The following VOPP1 variants were observed in gnomAD, a reference collection of about 807,000 sequenced individuals.
VOPP1 encodes the protein VOPP1 WW domain binding protein.
In VOPP1, 8 loss-of-function variants were observed where a neutral mutation model predicts 23.5. That is an observed-to-expected ratio of 0.34 (90% CI 0.20 to 0.61). The LOEUF is 0.61. Among genes scored for constraint, VOPP1 ranks in the 20% least tolerant of loss-of-function variants. The probability of loss-of-function intolerance (pLI) is 0.78; values close to 1 mark genes in which losing one functional copy is unlikely to be tolerated. For missense variants in VOPP1, 174 were observed against 238.1 expected, an observed-to-expected ratio of 0.73 and a Z score of 1.77; for synonymous variants, 83 against 97.3, an observed-to-expected ratio of 0.85 and a Z score of 0.86.
intron 4 of VOPP1, among the ~76,000 whole-genome samples, chr7:55,463,374 A>C (rs978572481): frequency 6.6e-6 from 1 of 152,048 alleles, no homozygotes; most frequent in Non-Finnish European, 1.5e-5. Flanking sequence ...TTACACTCAT[A>C]TTTGTGCATC....
At chr7:55,492,450 C>G (rs746426522) in intron 3 of VOPP1, 32 bp from the exon 4 acceptor site, 1 of 1,582,958 alleles carries the variant, frequency 6.3e-7, no homozygotes, top group Non-Finnish European at 8.6e-7. Context: ...GGGTGGTGCT[C>G]CCAGGTGGGG....
chr7:55,445,792 GTATT>G (rs1305808134), intron 4 of VOPP1, among the ~76,000 whole-genome samples: 1 of 152,104 alleles, frequency 6.6e-6, no homozygotes, highest in Non-Finnish European at 1.5e-5. Flanking sequence ...CCACATATGG[GTATT>G]TATTAATGAA....
rs757128284 is a variant in VOPP1, at chr7:55,492,297, G to A, written c.313C>T (p.Pro105Ser). 6.2e-7 allele frequency: 1 copy of A among 1,610,170 alleles called. No homozygotes were observed. Among genetic ancestry groups the A allele is most frequent in the South Asian group, 1.1e-5 (1 of 90,352 alleles). The change falls in exon 4 of 5, where the codon CCA (proline) becomes TCA (serine). Residue 105 changes from proline to serine, a missense_variant. Coordinates refer to ENST00000285279, the MANE Select transcript of VOPP1 (RefSeq NM_030796.5). ...AFNVSYTRQP[P>S]NPGPGAQQPG... ...GCTGGCTGACCTGGGCCGGGATTTG[G>A]GGGCTGCCTGGTGTAGGACACATTG...
intron 4 of VOPP1, among the ~76,000 whole-genome samples, chr7:55,474,480 C>T (rs983349669): frequency 3.3e-5 from 5 of 152,186 alleles, no homozygotes; most frequent in African/African-American, 1.2e-4. Flanking sequence ...TGAGGGCTGT[C>T]GGCAATGACT....
intron 4 of VOPP1, among the ~76,000 whole-genome samples, chr7:55,490,385 A>G (rs1008505930): frequency 6.6e-6 from 1 of 152,116 alleles, no homozygotes; most frequent in African/African-American, 2.4e-5. Context: ...GGGACCAGAA[A>G]GGAGTGCACA....
rs541458673 is a variant in VOPP1 at position 55,562,613 on chromosome 7, G to A, written c.54+9658C>T. ...CACAGCCAAGGAGCAGAGTGAGGGG[G>A]TCAACGGATACAAAATTGCTAAGAG... is the stretch of plus-strand genomic sequence containing the variant. On this transcript the variant is annotated intron_variant, in intron 1 of 4. Transcript: ENST00000285279. Among the ~76,000 whole-genome samples, 3 of 152,310 alleles carry A rather than the reference G, an allele frequency of 2.0e-5. No individual in the cohort carries two copies. The South Asian group carries it at 6.2e-4, about 32-fold the overall frequency.
intron 2 of VOPP1, among the ~76,000 whole-genome samples, chr7:55,513,348 C>A (rs1026195846): frequency 6.6e-6 from 1 of 152,180 alleles, no homozygotes; most frequent in Non-Finnish European, 1.5e-5. Context: ...TTTCATGGAT[C>A]CTATCTTCCC....
At chr7:55,568,229 G>A (rs183825307) in intron 1 of VOPP1, among the ~76,000 whole-genome samples, 11 of 151,998 alleles carry the variant, frequency 7.2e-5, no homozygotes, top group Admixed American at 2.0e-4. Flanking sequence ...ACAGGCGCCC[G>A]CCACCACGCC....
intron 4 of VOPP1, among the ~76,000 whole-genome samples, chr7:55,457,802 AT>A (rs202233307): frequency 2.0e-4 from 30 of 148,452 alleles, no homozygotes; most frequent in African/African-American, 4.2e-4. Flanking sequence ...TTTAAAAGGG[AT>A]TTTTTTTTTG....
Position 55,497,704 on chromosome 7 carries a change from C to G in VOPP1, c.114-14G>C. The G allele has an allele frequency of 1.2e-6, 2 of 1,613,728 alleles. No individual in the cohort carries two copies. The highest frequency in any genetic ancestry group is 1.7e-6 in the Non-Finnish European group (2 of 1,179,642). ...TAGGAGCGGCATCTGTGGAGAGAGG[C>G]ACAGGCTGGTCAGCACTGAATTGGA... On this transcript the variant is annotated splice_polypyrimidine_tract_variant and intron_variant, in intron 2 of 4. Coordinates refer to ENST00000285279, the MANE Select transcript of VOPP1 (RefSeq NM_030796.5).
At chr7:55,561,780 G>C (rs1178265309) in intron 1 of VOPP1, 8 of 466,608 alleles carry the variant, frequency 1.7e-5, no homozygotes, top group South Asian at 2.8e-5. Context: ...AGCAATTACA[G>C]TATCTGAGCT....
At position 55,547,564 on chromosome 7, in the gene VOPP1, G is replaced by A. The variant is rs142700973; in HGVS notation, c.54+24707C>T. On this transcript the variant is annotated intron_variant, in intron 1 of 4. Coordinates refer to ENST00000285279, the MANE Select transcript of VOPP1 (RefSeq NM_030796.5). ...ACCTTTACAGAGAGCTCTGGAGCACGGAACTAAGTATGCCCATCATGCAAC... is the reference window on the plus strand; with the variant it reads ...ACCTTTACAGAGAGCTCTGGAGCACAGAACTAAGTATGCCCATCATGCAAC... Among the ~76,000 whole-genome samples, 121 of 152,306 alleles carry A rather than the reference G, an allele frequency of 7.9e-4. 2 individuals are homozygous for A. Among genetic ancestry groups the A allele is most frequent in the South Asian group, 1.5e-3 (7 of 4,824 alleles).
intron 1 of VOPP1, among the ~76,000 whole-genome samples, chr7:55,565,349 C>T (rs1444853170): frequency 6.6e-6 from 1 of 152,186 alleles, no homozygotes; most frequent in East Asian, 1.9e-4. Flanking sequence ...TAAAATTAAA[C>T]TCTGACTTTT....
chr7:55,498,824 G>A (rs1036068455), intron 2 of VOPP1, among the ~76,000 whole-genome samples: 7 of 152,136 alleles, frequency 4.6e-5, no homozygotes, highest in Admixed American at 3.3e-4. Context: ...AGATAACAGC[G>A]GCCTGGAACT....
At position 55,492,327 on chromosome 7, in the gene VOPP1, C is replaced by T. The variant is rs781278406; in HGVS notation, c.283G>A (p.Ala95Thr). 6.2e-6 allele frequency: 10 copies of T among 1,611,288 alleles called. No homozygotes were observed. In the South Asian group the frequency reaches 1.0e-4, roughly 16 times the overall value. The change falls in exon 4 of 5, where the codon GCC becomes ACC. Residue 95 changes from alanine (A) to threonine (T), a missense_variant. Physicochemically the swap from Ala to Thr is moderately conservative, Grantham distance 58. Transcript: ENST00000285279. ...TGCCTGGTGTAGGACACATTGAAGG[C>T]TGGCTCCTCGATCAGCGGCGGGGGG... ...MYPPPLIEEP[A>T]FNVSYTRQPP... is the part of the protein sequence containing the mutation.
intron 1 of VOPP1, among the ~76,000 whole-genome samples, chr7:55,554,170 G>C (rs1326523059): frequency 1.3e-5 from 2 of 152,228 alleles, no homozygotes; most frequent in African/African-American, 4.8e-5. Context: ...AACTTTCCAA[G>C]TGGCTGGTCA....
At chr7:55,533,371 C>G (rs146695895) in intron 1 of VOPP1, among the ~76,000 whole-genome samples, 1 of 152,196 alleles carries the variant, frequency 6.6e-6, no homozygotes, top group East Asian at 1.9e-4. Context: ...ACTGTCCACC[C>G]ACAAGCAGCT....
intron 4 of VOPP1, among the ~76,000 whole-genome samples, chr7:55,492,043 T>C (rs956117182): frequency 6.6e-6 from 1 of 152,190 alleles, no homozygotes; most frequent in African/African-American, 2.4e-5. Flanking sequence ...AACTGCATCA[T>C]ATCACGTGCA....
chr7:55,468,271 G>GAAA (rs747918983), downstream of VOPP1, among the ~76,000 whole-genome samples: 3 of 54,186 alleles, frequency 5.5e-5, no homozygotes, highest in Non-Finnish European at 8.0e-5. Flanking sequence ...CTTCGTCTCA[G>GAAA]AAAAAAAAAA....
Sources: allele counts gnomAD v4.1 joint callset (sites outside exome capture counted in the v4.1 genomes callset), GRCh38; gene constraint gnomAD v4.1.1; transcripts MANE v1.5; gene names NCBI Gene and HGNC (gene_info 2026-07-23, HGNC 2026-07-21).